Variants in RSRC1 observed in about 807,000 individuals in gnomAD.
RSRC1 encodes the protein arginine and serine rich coiled-coil 1, also known as serine/Arginine-related protein 53.
RSRC1 carries 39 observed loss-of-function variants against 49.1 expected under a neutral mutation model. That is an observed-to-expected ratio of 0.79 (90% confidence interval 0.61 to 1.04). The LOEUF (loss-of-function observed/expected upper bound fraction) is 1.04. Ranked by LOEUF, RSRC1 falls within the 50% of genes least tolerant of loss-of-function variation. The probability of loss-of-function intolerance (pLI) is 0.00; values close to 1 mark genes in which losing one functional copy is unlikely to be tolerated. For missense variants in RSRC1, 388 were observed against 402.4 expected, an observed-to-expected ratio of 0.96 and a Z score of 0.31; for synonymous variants, 143 against 130.8, an observed-to-expected ratio of 1.09 and a Z score of -0.63.
chr3:158,189,348 C>G (rs1720096543), intron 3 of RSRC1, among the ~76,000 whole-genome samples: 1 of 151,864 alleles, frequency 6.6e-6, no homozygotes, highest in Non-Finnish European at 1.5e-5. Flanking sequence ...TCTTCTGTGT[C>G]TTTACTTTCT....
chr3:158,155,597 A>AC (rs1491324108), intron 3 of RSRC1, among the ~76,000 whole-genome samples: 10 of 75,180 alleles, frequency 1.3e-4, no homozygotes, highest in African/African-American at 6.3e-4. Context: ...AAGCCTAGCT[A>AC]CTTTTTTTTT....
intron 4 of RSRC1, among the ~76,000 whole-genome samples, chr3:158,253,770 A>G (rs1724365078): frequency 6.6e-6 from 1 of 151,986 alleles, no homozygotes; most frequent in African/African-American, 2.4e-5. Context: ...TTATATATTT[A>G]TTTATTTAAT....
rs10530687 is a variant in RSRC1 at position 158,194,054 on chromosome 3, TACACACACACACACAC to T, written c.321-8984_321-8969del. The stretch of plus-strand genomic sequence containing the variant: ...GGGCAAAATAGTGAGACCCCGTCTA[TACACACACACACACAC>T]ACACACACACACACACACACACACA... On this transcript the variant is annotated intron_variant, in intron 3 of 9. Transcript: ENST00000611884. Among the ~76,000 whole-genome samples the T allele has an allele frequency of 3.4e-3, 494 of 144,168 alleles. 4 individuals are homozygous for T. The highest frequency in any genetic ancestry group is 9.1e-3 in the African/African-American group (347 of 38,204). The allele number at this position is 144,168 out of a possible 152,430, so 94.6% of individuals were successfully genotyped here. A position where few individuals can be genotyped will look rare whatever the true frequency, so the allele number is the denominator to read the frequency against.
At chr3:158,355,161 T>G (rs1309062561) in intron 6 of RSRC1, among the ~76,000 whole-genome samples, 1 of 151,982 alleles carries the variant, frequency 6.6e-6, no homozygotes, top group African/African-American at 2.4e-5. Context: ...AGTTTTTTAT[T>G]TTGATGAAGC....
intron 7 of RSRC1, among the ~76,000 whole-genome samples, chr3:158,509,632 A>G (rs761903538): frequency 2.4e-4 from 37 of 152,320 alleles, no homozygotes; most frequent in Middle Eastern, 6.8e-3. Flanking sequence ...AAGATATTAT[A>G]TTAATATTTT....
At chr3:158,299,964 C>T (rs1404053747) in intron 5 of RSRC1, among the ~76,000 whole-genome samples, 1 of 152,150 alleles carries the variant, frequency 6.6e-6, no homozygotes, top group Non-Finnish European at 1.5e-5. Context: ...TTTTAAATAA[C>T]ATTTCATCTG....
At chr3:158,487,875 G>A (rs906684657) in intron 7 of RSRC1, among the ~76,000 whole-genome samples, 3 of 146,992 alleles carry the variant, frequency 2.0e-5, no homozygotes, top group African/African-American at 7.6e-5. Flanking sequence ...GCTTGAACCC[G>A]GGAGGTGGAG....
At chr3:158,422,070 TTTA>T (rs57884087) in intron 6 of RSRC1, among the ~76,000 whole-genome samples, 148,840 of 150,048 alleles carry the variant, frequency 0.99, 73,819 homozygotes, top group Non-Finnish European at 1. Context: ...GTTTTTCTTT[TTTA>T]TTATTATTAT....
intron 3 of RSRC1, among the ~76,000 whole-genome samples, chr3:158,149,061 G>A (rs1023742251): frequency 2.0e-5 from 3 of 152,210 alleles, no homozygotes; most frequent in African/African-American, 7.2e-5. Context: ...TGGGATTACA[G>A]GCGTGAGCCA....
At chr3:158,305,139 G>A (rs1415851907) in intron 5 of RSRC1, among the ~76,000 whole-genome samples, 1 of 151,914 alleles carries the variant, frequency 6.6e-6, no homozygotes, top group Non-Finnish European at 1.5e-5. Context: ...ATGAACTTGG[G>A]CCCTTCTCTG....
chr3:158,307,032 T>C (rs1419907402), intron 5 of RSRC1, among the ~76,000 whole-genome samples: 1 of 151,854 alleles, frequency 6.6e-6, no homozygotes, highest in African/African-American at 2.4e-5. Flanking sequence ...TTAAAATCTT[T>C]TGTGGCCAAG....
chr3:158,501,120 A>G (rs982528418), intron 7 of RSRC1, among the ~76,000 whole-genome samples: 7 of 152,154 alleles, frequency 4.6e-5, no homozygotes, highest in Non-Finnish European at 5.9e-5. Flanking sequence ...TTTAGATCCA[A>G]TGCTCATTCA....
intron 3 of RSRC1, among the ~76,000 whole-genome samples, chr3:158,137,409 T>C (rs1399585318): frequency 7.9e-5 from 12 of 151,268 alleles, no homozygotes; most frequent in African/African-American, 2.9e-4. Flanking sequence ...ATTAAATATA[T>C]ATATATATAT....
At chr3:158,221,125 A>G (rs1266957700) in intron 4 of RSRC1, among the ~76,000 whole-genome samples, 1 of 151,616 alleles carries the variant, frequency 6.6e-6, no homozygotes, top group African/African-American at 2.4e-5. Context: ...AATATTTATA[A>G]TTCTTTAATC....
At chr3:158,225,141 T>G (rs1373196465) in intron 4 of RSRC1, among the ~76,000 whole-genome samples, 2 of 151,830 alleles carry the variant, frequency 1.3e-5, no homozygotes, top group Non-Finnish European at 2.9e-5. Flanking sequence ...TCATGGTAGA[T>G]GTATAGCAAG....
chr3:158,228,409 T>A (rs1722643998), intron 4 of RSRC1, among the ~76,000 whole-genome samples: 1 of 147,868 alleles, frequency 6.8e-6, no homozygotes, highest in South Asian at 2.2e-4. Context: ...TAGTATTACC[T>A]TTATAATTTT....
chr3:158,201,632 G>A (rs1721053447), intron 3 of RSRC1, among the ~76,000 whole-genome samples: 2 of 152,202 alleles, frequency 1.3e-5, no homozygotes, highest in South Asian at 4.1e-4. Context: ...TTACCAGTGT[G>A]CTTTTAATCT....
chr3:158,207,491 GA>G (rs1721407349), intron 4 of RSRC1, among the ~76,000 whole-genome samples: 1 of 152,030 alleles, frequency 6.6e-6, no homozygotes, highest in Non-Finnish European at 1.5e-5. Flanking sequence ...AGAGAGAGAG[GA>G]AAAAGGATTC....
intron 5 of RSRC1, among the ~76,000 whole-genome samples, chr3:158,351,281 G>A (rs552708696): frequency 1.3e-5 from 2 of 152,258 alleles, no homozygotes; most frequent in South Asian, 2.1e-4. Context: ...GGAAAAAGAC[G>A]ACAGCCCAAG....
Sources: gnomAD v4.1 joint callset for allele counts (sites outside exome capture counted in the v4.1 genomes callset) on GRCh38, gnomAD v4.1.1 for gene constraint, MANE v1.5 for transcripts, NCBI Gene and HGNC (gene_info 2026-07-23, HGNC 2026-07-21) for gene names.